NDC1: variants seen among roughly 807,000 people sequenced by gnomAD.
NDC1 encodes nucleoporin NDC1.
In NDC1, 24 loss-of-function variants were observed where a neutral mutation model predicts 89.8. The observed-to-expected ratio is 0.27, with a 90% CI of 0.19 to 0.38. The LOEUF (loss-of-function observed/expected upper bound fraction) is 0.38, where lower values mean the gene tolerates loss of function less well. Among genes scored for constraint, NDC1 ranks in the 10% least tolerant of loss-of-function variants. The pLI is 1.00. For missense variants in NDC1, 728 were observed against 797.6 expected (o/e 0.91, Z 1.05); for synonymous variants, 296 against 284.8 (o/e 1.04, Z -0.39).
At chr1:53,809,205 C>T (rs1401746671) in intron 7 of NDC1, among the ~76,000 whole-genome samples, 6 of 152,248 alleles carry the variant, frequency 3.9e-5, no homozygotes, top group African/African-American at 4.8e-5. Flanking sequence ...GGGAGAAAAA[C>T]GAAACAGAGG....
At chr1:53,810,423 G>T (rs976823653) in intron 6 of NDC1, among the ~76,000 whole-genome samples, 83 of 139,884 alleles carry the variant, frequency 5.9e-4, no homozygotes, top group Admixed American at 5.6e-3. Flanking sequence ...GAAGAAACTG[G>T]CAAAAAAAAA....
intron 6 of NDC1, among the ~76,000 whole-genome samples, chr1:53,817,372 G>A (rs1648516962): frequency 6.6e-6 from 1 of 152,238 alleles, no homozygotes; most frequent in Non-Finnish European, 1.5e-5. Flanking sequence ...TATCCTAAGT[G>A]AAGTAACTCA....
chr1:53,815,234 T>C (rs1338831284), intron 6 of NDC1, among the ~76,000 whole-genome samples: 1 of 152,116 alleles, frequency 6.6e-6, no homozygotes, highest in East Asian at 1.9e-4. Context: ...TCCAACAACA[T>C]ATCAAAAAGA....
At chr1:53,776,042 C>A (rs1647160151) in intron 16 of NDC1, among the ~76,000 whole-genome samples, 1 of 151,188 alleles carries the variant, frequency 6.6e-6, no homozygotes, top group African/African-American at 2.4e-5. Context: ...GCAACCTCTG[C>A]CTCCCTGGTT....
intron 6 of NDC1, among the ~76,000 whole-genome samples, chr1:53,816,645 C>CAA (rs547632909): frequency 0.057 from 6,919 of 121,324 alleles, 500 homozygotes; most frequent in African/African-American, 0.18. Flanking sequence ...AAACAAAAAA[C>CAA]AAAAAAAAAA....
At chr1:53,781,600 T>C (rs550396457) in intron 16 of NDC1, among the ~76,000 whole-genome samples, 8 of 152,300 alleles carry the variant, frequency 5.3e-5, no homozygotes, top group African/African-American at 1.9e-4. Flanking sequence ...ATGTTATTCA[T>C]ACTGAAAAGT....
At chr1:53,837,056 C>T (rs1649256954) in intron 1 of NDC1, among the ~76,000 whole-genome samples, 1 of 152,214 alleles carries the variant, frequency 6.6e-6, no homozygotes, top group African/African-American at 2.4e-5. Flanking sequence ...TACCCACATA[C>T]TGATGAATGG....
chr1:53,832,585 A>C lies in NDC1; in HGVS notation c.185T>G (p.Phe62Cys), dbSNP rs548894964. ...TACATAGGAACTATACAGGTCACTG[A>C]AAGAATCTAAAACACAAGAGAGATG... ...FHPIQWLSDS[F>C]SDLYSSYVIF... Residue 62 changes from phenylalanine (F) to cysteine (C), a missense_variant, in exon 3 of 18, where the codon TTC becomes TGC. Physicochemically the swap from Phe to Cys is radical, Grantham distance 205 (BLOSUM62 -2). Coordinates refer to ENST00000371429, the MANE Select transcript of NDC1 (RefSeq NM_018087.5). 6.5e-7 allele frequency: 1 copy of C among 1,531,138 alleles called. No individual in the cohort carries two copies. The highest frequency in any genetic ancestry group is 1.1e-5 in the South Asian group (1 of 88,488). 94.8% of individuals were successfully genotyped at this position (1,531,138 alleles called of 1,614,324 possible).
At chr1:53,794,795 A>G (rs937135307) in intron 13 of NDC1, among the ~76,000 whole-genome samples, 1 of 152,074 alleles carries the variant, frequency 6.6e-6, no homozygotes, top group African/African-American at 2.4e-5. Flanking sequence ...GGATCACTTG[A>G]GCCCGGGAGT....
chr1:53,804,033 T>A (rs200405644), intron 9 of NDC1, 24 bp from the exon 10 acceptor site: 5 of 1,565,000 alleles, frequency 3.2e-6, no homozygotes, highest in Admixed American at 1.7e-5. Flanking sequence ...AAAACACATA[T>A]TATTTAATTT....
chr1:53,793,544 AAATT>A (rs770020146), intron 13 of NDC1, among the ~76,000 whole-genome samples: 4 of 152,314 alleles, frequency 2.6e-5, no homozygotes, highest in East Asian at 3.9e-4. Flanking sequence ...ACATAAAAAA[AAATT>A]AATTAATTCT....
rs757745763 is a variant in NDC1 at position 53,800,738 on chromosome 1, C to A, written c.1177G>T (p.Val393Leu). The A allele has an allele frequency of 6.2e-7, 1 of 1,614,110 alleles. No individual in the cohort carries two copies. Among genetic ancestry groups the A allele is most frequent in the Non-Finnish European group, 8.5e-7 (1 of 1,179,966 alleles). ...YQEAAATNGR[V>L]SSSYPVEPKK... ...GGTTCCACTGGGTAAGATGAAGACA[C>A]TCTCCCATTCGTAGCAGCAGCTTCT... Residue 393 changes from valine to leucine, a missense_variant, in exon 11 of 18, where the codon GTG (valine) becomes TTG (leucine). Transcript: ENST00000371429.
At chr1:53,827,740 C>G (rs1476315800) in intron 4 of NDC1, among the ~76,000 whole-genome samples, 1 of 152,176 alleles carries the variant, frequency 6.6e-6, no homozygotes, top group Non-Finnish European at 1.5e-5. Context: ...GTCTTAATTT[C>G]TCTATTGTTC....
At chr1:53,795,370 C>T (rs56193555) in intron 13 of NDC1, among the ~76,000 whole-genome samples, 17,763 of 152,126 alleles carry the variant, frequency 0.12, 1,164 homozygotes, top group Non-Finnish European at 0.15. Flanking sequence ...CAGAACTTTC[C>T]CCTACACTAC....
intron 6 of NDC1, among the ~76,000 whole-genome samples, chr1:53,817,123 G>T (rs188460628): frequency 6.6e-6 from 1 of 152,254 alleles, no homozygotes; most frequent in East Asian, 1.9e-4. Context: ...ATTTGATCCC[G>T]CAATCCCACT....
chr1:53,831,198 C>A (rs1238066302), intron 3 of NDC1, among the ~76,000 whole-genome samples: 1 of 151,604 alleles, frequency 6.6e-6, no homozygotes, highest in Non-Finnish European at 1.5e-5. Flanking sequence ...GCACTCCAGC[C>A]TGGGCGACAG....
Position 53,772,618 on chromosome 1 carries a change from G to A in NDC1, c.1801-129C>T, listed in dbSNP as rs570972561. 7 of 686,630 alleles carry A rather than the reference G, an allele frequency of 1.0e-5. No homozygotes were observed. In the Admixed American group the frequency reaches 1.5e-4, roughly 15 times the overall value. 42.5% of individuals were successfully genotyped at this position (686,630 alleles called of 1,614,324 possible). On this transcript the variant is annotated intron_variant, in intron 16 of 17. Transcript: ENST00000371429. ...GCGGGAGGACTGCTTGAGCCCAGGA[G>A]TTCCACTGTACTCCAGACTGGGCGA... is the stretch of plus-strand genomic sequence containing the variant.
chr1:53,778,185 AATGTATCCG>A (rs1486421387), intron 16 of NDC1, among the ~76,000 whole-genome samples: 2 of 151,692 alleles, frequency 1.3e-5, no homozygotes, highest in Middle Eastern at 3.4e-3. Context: ...GAAAAGCATT[AATGTATCCG>A]ATTAAGGGGA....
chr1:53,803,573 AT>A (rs34936602), intron 10 of NDC1, among the ~76,000 whole-genome samples: 7 of 150,484 alleles, frequency 4.7e-5, no homozygotes, highest in Non-Finnish European at 7.4e-5. Context: ...AAGTTAATTA[AT>A]TTTTTTTTTC....
Sources: allele counts gnomAD v4.1 joint callset (sites outside exome capture counted in the v4.1 genomes callset), GRCh38; gene constraint gnomAD v4.1.1; transcripts MANE v1.5; gene names NCBI Gene and HGNC (gene_info 2026-07-23, HGNC 2026-07-21).